EDNRA: variants seen among roughly 807,000 people sequenced by gnomAD.
EDNRA encodes endothelin receptor type A.
Under a neutral mutation model 41.4 loss-of-function variants are expected in EDNRA, and 11 were observed. The ratio of observed to expected loss-of-function variants is 0.27; its 90% CI spans 0.17 to 0.44. EDNRA has a LOEUF of 0.44. Ranked by LOEUF, EDNRA falls within the 20% of genes least tolerant of loss-of-function variation. EDNRA has a pLI of 1.00. For missense variants in EDNRA, 294 were observed against 531.0 expected (o/e 0.55, Z 4.39); for synonymous variants, 172 against 183.0 (o/e 0.94, Z 0.49).
chr4:147,535,465 A>G (rs1283436406), intron 4 of EDNRA, among the ~76,000 whole-genome samples: 1 of 152,232 alleles, frequency 6.6e-6, no homozygotes, highest in Non-Finnish European at 1.5e-5. Flanking sequence ...GTCAAAAGTA[A>G]AGCAGGCGCT....
At chr4:147,536,432 G>C (rs1308517309) in intron 5 of EDNRA, among the ~76,000 whole-genome samples, 7 of 152,200 alleles carry the variant, frequency 4.6e-5, no homozygotes, top group Non-Finnish European at 8.8e-5. Context: ...TAGAACCACA[G>C]GTGTGGTAAA....
chr4:147,504,632 T>C (rs1729625686), intron 2 of EDNRA, among the ~76,000 whole-genome samples: 1 of 152,132 alleles, frequency 6.6e-6, no homozygotes, highest in Non-Finnish European at 1.5e-5. Flanking sequence ...CAAAAACTTT[T>C]ACTCTGCAAA....
chr4:147,536,053 A>G (rs779674114), intron 5 of EDNRA, 24 bp downstream of exon 5: 2 of 1,613,444 alleles, frequency 1.2e-6, no homozygotes, highest in East Asian at 4.5e-5. Context: ...CATCATGAAA[A>G]TCTGGCCAGG....
chr4:147,495,427 G>A (rs911742046), intron 2 of EDNRA: 1 of 152,170 alleles, frequency 6.6e-6, no homozygotes, highest in Non-Finnish European at 1.5e-5. Flanking sequence ...GTAACACATT[G>A]TAAAGAAAAT....
intron 3 of EDNRA, among the ~76,000 whole-genome samples, chr4:147,522,184 AT>A (rs1315244090): frequency 6.6e-6 from 1 of 152,204 alleles, no homozygotes; most frequent in Non-Finnish European, 1.5e-5. Flanking sequence ...AATAATATTT[AT>A]AATTATTACC....
intron 3 of EDNRA, among the ~76,000 whole-genome samples, chr4:147,521,449 C>T (rs1380118226): frequency 2.6e-5 from 4 of 152,094 alleles, no homozygotes; most frequent in Non-Finnish European, 4.4e-5. Context: ...TGCATAAAAA[C>T]ACTTACATAC....
intron 3 of EDNRA, among the ~76,000 whole-genome samples, chr4:147,532,185 GC>G (rs1409625263): frequency 2.7e-5 from 4 of 148,884 alleles, no homozygotes; most frequent in African/African-American, 9.9e-5. Context: ...AATTAGCCGG[GC>G]GTGGTGGCAG....
rs1731217394 is a variant in EDNRA at position 147,544,314 on chromosome 4, T to G, written c.*1696T>G. On this transcript the variant is annotated 3_prime_UTR_variant, in exon 8 of 8. Coordinates refer to ENST00000651419, the MANE Select transcript of EDNRA (RefSeq NM_001957.4). ...TGAGCTGTGGACTAGCAATATAGGG[T>G]TTTGTTTGGTTGGTTGGTTTGATAA... is the stretch of plus-strand genomic sequence containing the variant. 1 of 152,982 alleles carries G rather than the reference T, an allele frequency of 6.5e-6. No homozygotes were observed. The highest frequency in any genetic ancestry group is 2.1e-4 in the South Asian group (1 of 4,816). 9.5% of individuals were successfully genotyped at this position (152,982 alleles called of 1,614,324 possible).
chr4:147,542,415 G>T, intron 7 of EDNRA, 63 bp from the exon 8 acceptor site: 3 of 1,605,942 alleles, frequency 1.9e-6, no homozygotes, highest in South Asian at 1.1e-5. Flanking sequence ...GCCCAGGGCC[G>T]CTGTGTTTGG....
Position 147,543,986 on chromosome 4 carries a change from G to A in EDNRA, c.*1368G>A, listed in dbSNP as rs1366932033. 6.6e-6 allele frequency: 1 copy of A among 152,092 alleles called. No homozygotes were observed. The highest frequency in any genetic ancestry group is 1.9e-4 in the East Asian group (1 of 5,172). 9.4% of individuals were successfully genotyped at this position (152,092 alleles called of 1,614,324 possible). ...GTACAGCAGAAAATCTTTTACTAGT[G>A]TGTGTGTGTATATATATAAACAATT... On this transcript the variant is annotated 3_prime_UTR_variant, in exon 8 of 8. Transcript: ENST00000651419.
At position 147,542,692 on chromosome 4, in the gene EDNRA, G is replaced by A. The variant is rs1731150365; in HGVS notation, c.*74G>A. The A allele has an allele frequency of 1.2e-5, 18 of 1,544,956 alleles. No homozygotes were observed. The highest frequency in any genetic ancestry group is 2.3e-5 in the East Asian group (1 of 43,946). ...AAAATCACAAGGCAACTGTGAGTCC[G>A]GGAATCTCTTCTCTGATCCTTCTTC... On this transcript the variant is annotated 3_prime_UTR_variant, in exon 8 of 8. Transcript: ENST00000651419.
chr4:147,491,423 G>T (rs1405570563), intron 2 of EDNRA: 1 of 152,082 alleles, frequency 6.6e-6, no homozygotes, highest in African/African-American at 2.4e-5. Flanking sequence ...AAAATAAATT[G>T]TCACAACTTA....
intron 3 of EDNRA, chr4:147,531,593 T>C (rs1730738432): frequency 6.6e-6 from 1 of 152,250 alleles, no homozygotes; most frequent in Admixed American, 6.5e-5. Flanking sequence ...TTAAAAAACA[T>C]AGGCACAACT....
At chr4:147,516,520 C>T (rs184895930) in intron 2 of EDNRA, among the ~76,000 whole-genome samples, 29 of 152,316 alleles carry the variant, frequency 1.9e-4, no homozygotes, top group African/African-American at 6.5e-4. Context: ...GAGTTGGAGT[C>T]ATCCATTCAT....
chr4:147,508,414 C>T lies in EDNRA; in HGVS notation c.421-11437C>T, dbSNP rs368918012. On this transcript the variant is annotated intron_variant, in intron 2 of 7. Coordinates refer to ENST00000651419, the MANE Select transcript of EDNRA (RefSeq NM_001957.4). ...TCGGCCTCCCAAAGCTCTGGGATTA[C>T]AGGCATGAGCCACCATGCCCAGCCT... Among the ~76,000 whole-genome samples, 103 of 152,332 alleles carry T rather than the reference C, an allele frequency of 6.8e-4. 2 individuals carry two copies. The South Asian group carries it at 0.02, about 29-fold the overall frequency.
intron 6 of EDNRA, 111 bp downstream of exon 6, chr4:147,540,061 T>A (rs1731047051): frequency 7.0e-7 from 1 of 1,431,376 alleles, no homozygotes; most frequent in Non-Finnish European, 9.3e-7. Context: ...AAATTAAAAC[T>A]GCAAAGTTGA....
In EDNRA at chr4:147,544,797, T is replaced by C. The variant is rs201699524; in HGVS notation, c.*2179T>C. 1.3e-5 allele frequency: 2 copies of C among 152,672 alleles called. No individual in the cohort carries two copies. The highest frequency in any genetic ancestry group is 2.9e-5 in the Non-Finnish European group (2 of 68,044). The allele number at this position is 152,672 out of a possible 1,614,324, so 9.5% of individuals were successfully genotyped here. ...AAGGCGTCAACGTGCATTTTATTTA[T>C]GGACTGGTAAGTAACTGTGGTTTAC... is the stretch of plus-strand genomic sequence containing the variant. On this transcript the variant is annotated 3_prime_UTR_variant, in exon 8 of 8. Transcript: ENST00000651419.
chr4:147,505,148 T>C (rs747670139), intron 2 of EDNRA, among the ~76,000 whole-genome samples: 16 of 145,748 alleles, frequency 1.1e-4, no homozygotes, highest in Non-Finnish European at 2.2e-4. Context: ...ATTAGGGAAA[T>C]GCAAGTCAAA....
At chr4:147,527,108 A>G (rs1730582304) in intron 3 of EDNRA, among the ~76,000 whole-genome samples, 1 of 152,214 alleles carries the variant, frequency 6.6e-6, no homozygotes, top group South Asian at 2.1e-4. Flanking sequence ...GGAAGTGGTA[A>G]ATAAGAATAA....
Sources: gnomAD v4.1 joint callset for allele counts (sites outside exome capture counted in the v4.1 genomes callset) on GRCh38, gnomAD v4.1.1 for gene constraint, MANE v1.5 for transcripts, NCBI Gene and HGNC (gene_info 2026-07-23, HGNC 2026-07-21) for gene names.